The following MYO5C variants were observed in gnomAD, a reference collection of about 807,000 sequenced individuals.
MYO5C encodes myosin VC, also known as unconventional myosin-Vc.
In MYO5C, 194 loss-of-function variants were observed where a neutral mutation model predicts 235.7. The observed-to-expected ratio is 0.82, with a 90% CI of 0.73 to 0.93. MYO5C has a LOEUF of 0.93. Ranked by LOEUF, MYO5C falls within the 40% of genes least tolerant of loss-of-function variation. The probability of loss-of-function intolerance (pLI) is 0.00; values close to 1 mark genes in which losing one functional copy is unlikely to be tolerated. For synonymous variants in MYO5C, 707 were observed against 754.8 expected, an observed-to-expected ratio of 0.94 and a Z score of 1.04; for missense variants, 2,038 against 2,127.2, an observed-to-expected ratio of 0.96 and a Z score of 0.82.
chr15:52,268,610 A>C (rs1302059786), intron 8 of MYO5C, among the ~76,000 whole-genome samples: 1 of 152,204 alleles, frequency 6.6e-6, no homozygotes, highest in African/African-American at 2.4e-5. Context: ...CCTGATCAGA[A>C]GCTTTGACTG....
chr15:52,246,783 G>A (rs1259427003), intron 16 of MYO5C, 134 bp downstream of exon 16: 5 of 625,814 alleles, frequency 8.0e-6, no homozygotes, highest in Non-Finnish European at 8.4e-6. Context: ...TATGTAAAGG[G>A]CAGCATTGTT....
intron 20 of MYO5C, among the ~76,000 whole-genome samples, chr15:52,241,472 G>A (rs529543900): frequency 1.3e-5 from 2 of 152,082 alleles, no homozygotes; most frequent in South Asian, 4.2e-4. Flanking sequence ...TGTTAGCCAG[G>A]ATGGTCTCGA....
Position 52,245,946 on chromosome 15 carries a change from G to C in MYO5C, c.2066+10C>G, listed in dbSNP as rs2036331936. On this transcript the variant is annotated intron_variant, in intron 17 of 40. Transcript: ENST00000261839. ...TACTTTTCCCTCCAAGACAAGGACG[G>C]ACAACATACCTGGAAGGGTAGCTCT... 1 of 1,613,178 alleles carries C rather than the reference G, an allele frequency of 6.2e-7. No homozygotes were observed. Among genetic ancestry groups the C allele is most frequent in the East Asian group, 2.2e-5 (1 of 44,880 alleles).
chr15:52,278,947 G>A lies in MYO5C; in HGVS notation c.375C>T (p.Tyr125=), dbSNP rs370174795. 1.9e-6 allele frequency: 3 copies of A among 1,614,048 alleles called. No homozygotes were observed. Among genetic ancestry groups the A allele is most frequent in the African/African-American group, 1.3e-5 (1 of 74,924 alleles). Residue 125 remains tyrosine, a synonymous_variant, in exon 4 of 41, where the codon TAC becomes TAT. Coordinates refer to ENST00000261839, the MANE Select transcript of MYO5C (RefSeq NM_018728.4). ...CCATATCGCCCATGTTCTGCCCGCT[G>A]TAGGCGTGGATGATGGCATCTCCGT... is the stretch of plus-strand genomic sequence containing the variant. ...PIYGDAIIHA[Y]SGQNMGDMDP... is the part of the protein sequence containing the mutation.
intron 4 of MYO5C, among the ~76,000 whole-genome samples, chr15:52,276,950 A>G (rs1171029548): frequency 6.6e-6 from 1 of 151,974 alleles, no homozygotes; most frequent in Non-Finnish European, 1.5e-5. Context: ...TACGACATAG[A>G]TATCTCTTTT....
At chr15:52,207,816 G>A (rs1037780742) in intron 36 of MYO5C, among the ~76,000 whole-genome samples, 6 of 152,104 alleles carry the variant, frequency 3.9e-5, no homozygotes, top group African/African-American at 1.2e-4. Flanking sequence ...AAAAAGAAAG[G>A]AAGGATGTGA....
rs1339005748 is a variant in MYO5C at position 52,192,999 on chromosome 15, T to A, written c.*903A>T. 1 of 152,180 alleles carries A rather than the reference T, an allele frequency of 6.6e-6. No individual in the cohort carries two copies. The highest frequency in any genetic ancestry group is 1.5e-5 in the Non-Finnish European group (1 of 68,030). The allele number at this position is 152,180 out of a possible 1,614,324, so 9.4% of individuals were successfully genotyped here. A position where few individuals can be genotyped will look rare whatever the true frequency, so the allele number is the denominator to read the frequency against. On this transcript the variant is annotated 3_prime_UTR_variant, in exon 41 of 41. Transcript: ENST00000261839. ...ATATAAAAATACTTCAAATGATTCA[T>A]CTCGGATTGAACACTCTTAAAAATT...
chr15:52,214,174 C>CT, intron 33 of MYO5C, among the ~76,000 whole-genome samples: 1 of 152,128 alleles, frequency 6.6e-6, no homozygotes, highest in Non-Finnish European at 1.5e-5. Flanking sequence ...CACGAGGATG[C>CT]TTTATGTGTG....
chr15:52,272,163 C>CA (rs1474464976), intron 6 of MYO5C, among the ~76,000 whole-genome samples: 4 of 152,176 alleles, frequency 2.6e-5, no homozygotes, highest in African/African-American at 4.8e-5. Flanking sequence ...CCTCCTGGGC[C>CA]AAAACGATGA....
chr15:52,261,752 A>G (rs1241105659), intron 9 of MYO5C, among the ~76,000 whole-genome samples: 2 of 152,220 alleles, frequency 1.3e-5, no homozygotes, highest in Non-Finnish European at 1.5e-5. Flanking sequence ...CAGCAGATGA[A>G]AAAAGGGAAG....
At chr15:52,275,822 G>C in intron 4 of MYO5C, 104 bp from the exon 5 acceptor site, 1 of 1,102,292 alleles carries the variant, frequency 9.1e-7, no homozygotes, top group Non-Finnish European at 1.3e-6. Context: ...AAACTGTTTT[G>C]TCACTCTACT....
chr15:52,232,397 T>C (rs2035985429), intron 24 of MYO5C, among the ~76,000 whole-genome samples: 1 of 152,098 alleles, frequency 6.6e-6, no homozygotes, highest in Non-Finnish European at 1.5e-5. Context: ...GGTGGTCCAC[T>C]GTACCCACCC....
chr15:52,218,448 G>A, intron 32 of MYO5C, 71 bp downstream of exon 32: 1 of 1,423,416 alleles, frequency 7.0e-7, no homozygotes, highest in Non-Finnish European at 9.8e-7. Flanking sequence ...TATGCTTTAG[G>A]TGGCATGTCC....
chr15:52,209,091 G>T (rs372081875), intron 35 of MYO5C, among the ~76,000 whole-genome samples: 3 of 152,112 alleles, frequency 2.0e-5, no homozygotes, highest in African/African-American at 7.2e-5. Flanking sequence ...TGAGGGAAAT[G>T]GGTGGAGAGA....
chr15:52,238,978 T>G (rs1188010972), intron 21 of MYO5C, among the ~76,000 whole-genome samples: 1 of 124,344 alleles, frequency 8.0e-6, no homozygotes, highest in Non-Finnish European at 1.7e-5. Flanking sequence ...TGAGATGGAG[T>G]TTTGCTCTTG....
chr15:52,212,904 C>T (rs1286263225), intron 34 of MYO5C, among the ~76,000 whole-genome samples: 2 of 152,190 alleles, frequency 1.3e-5, no homozygotes, highest in Non-Finnish European at 1.5e-5. Context: ...GTTTTGGCCC[C>T]CACAGGACAT....
intron 38 of MYO5C, among the ~76,000 whole-genome samples, chr15:52,199,520 A>T (rs1272149294): frequency 1.3e-5 from 2 of 152,106 alleles, no homozygotes; most frequent in Non-Finnish European, 2.9e-5. Context: ...TGAGATCATC[A>T]CTTTTCCCCT....
chr15:52,278,714 G>A (rs761969050), intron 4 of MYO5C, among the ~76,000 whole-genome samples, 159 bp downstream of exon 4: 6 of 152,112 alleles, frequency 3.9e-5, no homozygotes, highest in Admixed American at 6.5e-5. Flanking sequence ...TGGAACAGTC[G>A]TTTGCTATTC....
At chr15:52,214,903 G>A (rs2035520490) in intron 32 of MYO5C, among the ~76,000 whole-genome samples, 1 of 152,100 alleles carries the variant, frequency 6.6e-6, no homozygotes, top group African/African-American at 2.4e-5. Flanking sequence ...AAATAAAACT[G>A]ACCTTTAGTG....
Sources: gnomAD v4.1 joint callset for allele counts (sites outside exome capture counted in the v4.1 genomes callset) on GRCh38, gnomAD v4.1.1 for gene constraint, MANE v1.5 for transcripts, NCBI Gene and HGNC (gene_info 2026-07-23, HGNC 2026-07-21) for gene names.